NGEF: variants seen among roughly 807,000 people sequenced by gnomAD.
The protein encoded by NGEF is ephexin-1.
NGEF carries 31 observed loss-of-function variants against 80.9 expected under a neutral mutation model. The ratio of observed to expected loss-of-function variants is 0.38; its 90% CI spans 0.29 to 0.52. The LOEUF is 0.52. NGEF is among the 20% of genes least tolerant of loss of function. The pLI is 0.84. For missense variants in NGEF, 709 were observed against 926.2 expected (o/e 0.77, Z 3.04); for synonymous variants, 371 against 370.2 (o/e 1.00, Z -0.03).
chr2:232,984,460 T>A (rs1207434429), intron 1 of NGEF, among the ~76,000 whole-genome samples: 1 of 152,172 alleles, frequency 6.6e-6, no homozygotes, highest in Non-Finnish European at 1.5e-5. Flanking sequence ...TTTTACAGGA[T>A]GGAAGTCCGA....
chr2:232,888,889 T>G (rs1691791222), intron 8 of NGEF, among the ~76,000 whole-genome samples: 1 of 152,270 alleles, frequency 6.6e-6, no homozygotes, highest in Non-Finnish European at 1.5e-5. Flanking sequence ...ATTACGATTT[T>G]GACATTGCTC....
At chr2:232,987,312 C>T (rs1312557506) in intron 1 of NGEF, among the ~76,000 whole-genome samples, 1 of 152,116 alleles carries the variant, frequency 6.6e-6, no homozygotes, top group East Asian at 1.9e-4. Flanking sequence ...GACACCGTGC[C>T]TGGCCAGAGC....
intron 10 of NGEF, 132 bp from the exon 11 acceptor site, chr2:232,884,276 G>T: frequency 9.9e-7 from 1 of 1,007,436 alleles, no homozygotes. Context: ...AAGTTGGGGG[G>T]AAAGGCCGAG....
chr2:232,892,801 C>T lies in NGEF; in HGVS notation c.1142+97G>A. 1.5e-6 allele frequency: 2 copies of T among 1,349,502 alleles called. No individual in the cohort carries two copies. The highest frequency in any genetic ancestry group is 1.3e-5 in the South Asian group (1 of 76,102). 83.6% of individuals were successfully genotyped at this position (1,349,502 alleles called of 1,614,324 possible). Reference sequence around the variant, plus strand: ...ACCTTGGGAACGCAGAGGTAAAGGACCATGAAGTGTCACCGTGTAAGGAGC... The same window carrying T: ...ACCTTGGGAACGCAGAGGTAAAGGATCATGAAGTGTCACCGTGTAAGGAGC... On this transcript the variant is annotated intron_variant, in intron 7 of 14. Coordinates refer to ENST00000264051, the MANE Select transcript of NGEF (RefSeq NM_019850.3). The surrounding 1 kb of genome is among the most constrained non-coding windows in gnomAD (Gnocchi z 4.0).
intron 1 of NGEF, among the ~76,000 whole-genome samples, chr2:232,993,108 TATATATATATAAATAA>T (rs2106335195): frequency 4.4e-5 from 1 of 22,922 alleles, no homozygotes; most frequent in African/African-American, 1.7e-4. Flanking sequence ...AATAAATAAA[TATATATATATAAATAA>T]ATATATATTT....
rs1273403687 is a variant in NGEF at position 232,883,388 on chromosome 2, C to T, written c.1680G>A (p.Leu560=). The T allele has an allele frequency of 3.1e-6, 5 of 1,612,640 alleles. No homozygotes were observed. The highest frequency in any genetic ancestry group is 1.7e-5 in the Admixed American group (1 of 59,850). The change falls in exon 12 of 15, where the codon CTG becomes CTA. Residue 560 remains leucine, a synonymous_variant. Transcript: ENST00000264051. ...GCAGCCGCAGGATGAACACGTTGGC[C>T]AGCGTCTGGCCCTGGTCCTCCAGCT... ...VEELEDQGQT[L]ANVFILRLLE... is the part of the protein sequence containing the mutation.
rs1404101626 is a variant in NGEF at position 232,881,173 on chromosome 2, G to A, written c.1915C>T (p.Leu639Phe). 1.2e-6 allele frequency: 2 copies of A among 1,612,360 alleles called. No individual in the cohort carries two copies. The highest frequency in any genetic ancestry group is 1.7e-6 in the Non-Finnish European group (2 of 1,180,020). ...TCGTCAGTCTTGTCCAGGATGTTGA[G>A]GATGTCGGCGAGCTCCAGCGTCAGC... ...DELTLELADI[L>F]NILDKTDDGW... The change falls in exon 14 of 15, where the codon CTC (leucine) becomes TTC (phenylalanine). Residue 639 changes from leucine to phenylalanine, a missense_variant. This residue lies in a region of NGEF where 426 missense variants were observed against 622.9 expected (regional missense o/e 0.68). Coordinates refer to ENST00000264051, the MANE Select transcript of NGEF (RefSeq NM_019850.3).
Position 232,974,780 on chromosome 2 carries a change from T to C in NGEF, c.111A>G (p.Glu37=). 1.2e-6 allele frequency: 2 copies of C among 1,614,252 alleles called. No homozygotes were observed. The highest frequency in any genetic ancestry group is 3.3e-5 in the Admixed American group (2 of 60,022). ...GGTCAGCTTGAGAAGTCTCCTCTTTTTCTGGGAGTAACTCAGGTTTCACCT... is the reference window on the plus strand; with the variant it reads ...GGTCAGCTTGAGAAGTCTCCTCTTTCTCTGGGAGTAACTCAGGTTTCACCT... ...PAKVKPELLP[E]KEETSQADQD... is the part of the protein sequence containing the mutation. The change falls in exon 2 of 15, where the codon GAA becomes GAG. Residue 37 remains glutamate (E), a synonymous_variant. Transcript: ENST00000264051.
At position 232,995,338 on chromosome 2, in the gene NGEF, C is replaced by CTG. The variant is rs1193285564; in HGVS notation, c.-75+17729_-75+17730insCA. On this transcript the variant is annotated intron_variant, in intron 1 of 14. Transcript: ENST00000264051. ...ACTGTATATGTGTACAGTATGTATA[C>CTG]TATATACAGTATGTATACTGTATAC... Among the ~76,000 whole-genome samples, 5 of 24,102 alleles carry CTG rather than the reference C, an allele frequency of 2.1e-4. 2 individuals are homozygous for CTG. Among genetic ancestry groups the CTG allele is most frequent in the African/African-American group, 1.7e-3 (4 of 2,376 alleles). The allele number at this position is 24,102 out of a possible 152,430, so 15.8% of individuals were successfully genotyped here. A position where few individuals can be genotyped will look rare whatever the true frequency, so the allele number is the denominator to read the frequency against.
intron 5 of NGEF, among the ~76,000 whole-genome samples, chr2:232,909,930 T>C (rs1402695303): frequency 6.6e-6 from 1 of 152,280 alleles, no homozygotes; most frequent in Admixed American, 6.5e-5. Flanking sequence ...ATCGATGCTG[T>C]CGCATATCAA....
intron 1 of NGEF, among the ~76,000 whole-genome samples, chr2:232,978,374 G>A (rs897052856): frequency 6.6e-6 from 1 of 151,956 alleles, no homozygotes; most frequent in Admixed American, 6.6e-5. Flanking sequence ...TATTAGCTGG[G>A]CGTGGTGGTG....
At chr2:232,936,197 T>C (rs1328220223) in intron 3 of NGEF, among the ~76,000 whole-genome samples, 1 of 152,190 alleles carries the variant, frequency 6.6e-6, no homozygotes, top group Non-Finnish European at 1.5e-5. Context: ...AAAAATAAAT[T>C]GTTTTGTTGT....
chr2:232,932,752 C>T (rs1693243325), intron 3 of NGEF, among the ~76,000 whole-genome samples: 1 of 152,080 alleles, frequency 6.6e-6, no homozygotes, highest in African/African-American at 2.4e-5. Flanking sequence ...GGACGGCTGA[C>T]TCCTTGTATC....
intron 3 of NGEF, among the ~76,000 whole-genome samples, chr2:232,929,212 G>A (rs186539878): frequency 3.3e-5 from 5 of 152,330 alleles, no homozygotes; most frequent in African/African-American, 1.2e-4. Context: ...CAACCCACCC[G>A]GCATTTGTTT....
At chr2:233,011,837 CAT>C (rs1488935908) in intron 1 of NGEF, among the ~76,000 whole-genome samples, 3 of 152,172 alleles carry the variant, frequency 2.0e-5, no homozygotes, top group African/African-American at 7.2e-5. Context: ...CTCACACTGT[CAT>C]TGGATCAACC....
At chr2:233,002,059 T>C (rs969324104) in intron 1 of NGEF, among the ~76,000 whole-genome samples, 77 of 151,810 alleles carry the variant, frequency 5.1e-4, no homozygotes, top group African/African-American at 1.3e-3. Flanking sequence ...GGCAGGGACA[T>C]TGGGGGCTGT....
intron 5 of NGEF, among the ~76,000 whole-genome samples, chr2:232,909,011 G>A (rs908072953): frequency 6.6e-6 from 1 of 152,094 alleles, no homozygotes; most frequent in African/African-American, 2.4e-5. Context: ...GTAGGAAACC[G>A]TAACTGGTAG....
intron 1 of NGEF, among the ~76,000 whole-genome samples, chr2:232,987,037 G>A (rs1694545721): frequency 1.3e-5 from 2 of 151,704 alleles, no homozygotes; most frequent in Admixed American, 6.6e-5. Flanking sequence ...TTTTTTTTGA[G>A]ACAGAGTCTC....
intron 4 of NGEF, 51 bp downstream of exon 4, chr2:232,926,983 TCAGAGTCCTC>T: frequency 6.2e-7 from 1 of 1,609,078 alleles, no homozygotes; most frequent in Non-Finnish European, 8.5e-7. Context: ...AGGAGGACCC[TCAGAGTCCTC>T]CAGGGACCCG....
Sources: gnomAD v4.1 joint callset for allele counts (sites outside exome capture counted in the v4.1 genomes callset) on GRCh38, gnomAD v4.1.1 for gene constraint, gnomAD v4.1.1 regional missense constraint, Gnocchi (gnomAD v3.1) non-coding constraint, MANE v1.5 for transcripts, NCBI Gene and HGNC (gene_info 2026-07-23, HGNC 2026-07-21) for gene names.